TTN: variants seen among roughly 807,000 people sequenced by gnomAD.
TTN encodes connectin.
Under a neutral mutation model 3,223.0 loss-of-function variants are expected in TTN, and 1,525 were observed. The observed-to-expected ratio is 0.47, with a 90% CI of 0.45 to 0.49. TTN has a LOEUF of 0.49. TTN is among the 20% of genes least tolerant of loss of function. The probability of loss-of-function intolerance (pLI) is 0.00; values close to 1 mark genes in which losing one functional copy is unlikely to be tolerated. For synonymous variants in TTN, 14,094 were observed against 15,161.0 expected, an observed-to-expected ratio of 0.93 and a Z score of 5.17; for missense variants, 40,786 against 43,424.0, an observed-to-expected ratio of 0.94 and a Z score of 5.40.
rs767161411 is a variant in TTN at position 178,531,324 on chromosome 2, T to A, written c.105291A>T (p.Glu35097Asp). 4.3e-6 allele frequency: 7 copies of A among 1,614,044 alleles called. No individual in the cohort carries two copies. The highest frequency in any genetic ancestry group is 5.9e-6 in the Non-Finnish European group (7 of 1,179,902). ...TETRESLSSY[E>D]HSASAEMKSA... ...TTTTCATTTCTGCAGATGCAGAGTG[T>A]TCATATGAGGAGAGACTTTCCCTTG... Residue 35097 changes from glutamate to aspartate, a missense_variant, in exon 358 of 363, where the codon GAA (glutamate) becomes GAT (aspartate). Transcript: ENST00000589042.
Position 178,590,242 on chromosome 2 carries a change from G to C in TTN, c.61483C>G (p.Arg20495Gly), listed in dbSNP as rs370128504. ...VITVRVGQTI[R>G]ILARVKGRPE... ...CTGCCTTTGACTCGAGCTAGAATGC[G>C]GATAGTTTGGCCTACTCTCACGGTA... The change falls in exon 304 of 363, where the codon CGC (arginine) becomes GGC (glycine). Residue 20495 changes from arginine to glycine, a missense_variant. Coordinates refer to ENST00000589042, the MANE Select transcript of TTN (RefSeq NM_001267550.2). 8 of 1,588,712 alleles carry C rather than the reference G, an allele frequency of 5.0e-6. No homozygotes were observed. In the Admixed American group the frequency reaches 1.2e-4, roughly 24 times the overall value.
At chr2:178,793,322 A>C (rs1483287862) in intron 9 of TTN, 82 bp downstream of exon 9, 9 of 1,555,042 alleles carry the variant, frequency 5.8e-6, no homozygotes, top group Non-Finnish European at 7.0e-6. Flanking sequence ...CCCAAGGAAC[A>C]ACACTCTTCA....
chr2:178,746,575 C>A, intron 47 of TTN: 8 of 1,613,226 alleles, frequency 5.0e-6, no homozygotes, highest in Non-Finnish European at 6.8e-6. Context: ...CTCTTTCTTC[C>A]TGGGGCATTA....
chr2:178,800,250 T>C, intron 4 of TTN, 145 bp downstream of exon 4: 1 of 1,076,424 alleles, frequency 9.3e-7, no homozygotes, highest in Middle Eastern at 2.4e-4. Context: ...TCAGGGACTT[T>C]TCATGGGTGT....
rs1703203626 is a variant in TTN, at chr2:178,560,439, C to G, written c.85693G>C (p.Glu28565Gln). 1 of 1,613,572 alleles carries G rather than the reference C, an allele frequency of 6.2e-7. No homozygotes were observed. The highest frequency in any genetic ancestry group is 1.7e-4 in the Middle Eastern group (1 of 6,060). Residue 28565 changes from glutamate (E) to glutamine (Q), a missense_variant, in exon 326 of 363, where the codon GAA becomes CAA. Physicochemically the swap from Glu to Gln is conservative, Grantham distance 29. Transcript: ENST00000589042. ...CTTGACCAGCAAAGTGTCATAGATTCTTTGGTCACAGAAGTAATTTCCAAA... is the reference window on the plus strand; with the variant it reads ...CTTGACCAGCAAAGTGTCATAGATTGTTTGGTCACAGAAGTAATTTCCAAA... ...TSLEITSVTKESMTLCWSRPE... is the reference protein window; with the variant it reads ...TSLEITSVTKQSMTLCWSRPE...
intron 47 of TTN, chr2:178,746,651 C>G (rs1193244003): frequency 6.2e-7 from 1 of 1,613,354 alleles, no homozygotes; most frequent in Non-Finnish European, 8.5e-7. Context: ...GTACTCTCCC[C>G]CTTCTCCTTT....
intron 118 of TTN, 45 bp downstream of exon 118, chr2:178,693,877 T>A (rs767821363): frequency 6.4e-6 from 10 of 1,562,590 alleles, no homozygotes; most frequent in African/African-American, 1.4e-5. Flanking sequence ...AAAATCTGCC[T>A]AAAACCCTTC....
In TTN at chr2:178,739,928, C is replaced by T; in HGVS notation, c.13305G>A (p.Glu4435=). The T allele has an allele frequency of 1.9e-6, 3 of 1,613,774 alleles. No homozygotes were observed. The highest frequency in any genetic ancestry group is 1.1e-5 in the South Asian group (1 of 91,082). The change falls in exon 48 of 363, where the codon GAG becomes GAA. Residue 4435 remains glutamate (E), a synonymous_variant. Coordinates refer to ENST00000589042, the MANE Select transcript of TTN (RefSeq NM_001267550.2). ...GGTACATGCACATGATGTGTCTGGGCTCTTGGGTGATGTTTACAGCCTCGA... is the reference window on the plus strand; with the variant it reads ...GGTACATGCACATGATGTGTCTGGGTTCTTGGGTGATGTTTACAGCCTCGA... The part of the protein sequence containing the change: ...VEVEAVNITQ[E]PRHIMCMYLV...
rs61216469 is a variant in TTN, at chr2:178,637,146, GATATATATATATATAT to G, written c.40927+207_40927+222del. 0.081 allele frequency among the ~76,000 whole-genome samples: 4,000 copies of G among 49,246 alleles called. 263 individuals carry two copies. Among genetic ancestry groups the G allele is most frequent in the East Asian group, 0.31 (467 of 1,506 alleles). The allele number at this position is 49,246 out of a possible 152,430, so 32.3% of individuals were successfully genotyped here. On this transcript the variant is annotated intron_variant, in intron 224 of 362. Coordinates refer to ENST00000589042, the MANE Select transcript of TTN (RefSeq NM_001267550.2). ...GATTCACTATGCTAAAATATAGTTGGATATATATATATATATATATATATATATATATATATATATA... is the reference window on the plus strand; with the variant it reads ...GATTCACTATGCTAAAATATAGTTGGATATATATATATATATATATATATA...
chr2:178,559,666 C>T lies in TTN; in HGVS notation c.86466G>A (p.Lys28822=), dbSNP rs1702877521. The T allele has an allele frequency of 6.2e-7, 1 of 1,612,472 alleles. No individual in the cohort carries two copies. The part of the protein sequence containing the change: ...IENANRNDSG[K]YTLTIQNVLS... ...AAACATTCTGAATTGTTAATGTGTA[C>T]TTTCCAGAGTCATTTCTGTTGGCAT... is the stretch of plus-strand genomic sequence containing the variant. Residue 28822 remains lysine (K), a synonymous_variant, in exon 326 of 363, where the codon AAG becomes AAA. Transcript: ENST00000589042.
chr2:178,560,552 C>G lies in TTN; in HGVS notation c.85580G>C (p.Gly28527Ala). 1 of 1,613,276 alleles carries G rather than the reference C, an allele frequency of 6.2e-7. No individual in the cohort carries two copies. Among genetic ancestry groups the G allele is most frequent in the Non-Finnish European group, 8.5e-7 (1 of 1,179,684 alleles). The change falls in exon 326 of 363, where the codon GGT (glycine) becomes GCT (alanine). Residue 28527 changes from glycine (G) to alanine (A), a missense_variant. Gly to Ala is a moderately conservative substitution (Grantham distance 60). Coordinates refer to ENST00000589042, the MANE Select transcript of TTN (RefSeq NM_001267550.2). ...CTCACCAACACCATATTTATTAACA[C>G]CAGTTACTCTAAATATATATTCATT... ...KGNEYIFRVTGVNKYGVGEPL... is the reference protein window; with the variant it reads ...KGNEYIFRVTAVNKYGVGEPL...
rs774014126 is a variant in TTN at position 178,634,609 on chromosome 2, C to T, written c.42172G>A (p.Val14058Met). The T allele has an allele frequency of 6.2e-7, 1 of 1,613,188 alleles. No homozygotes were observed. Among genetic ancestry groups the T allele is most frequent in the Non-Finnish European group, 8.5e-7 (1 of 1,179,482 alleles). Residue 14058 changes from valine to methionine, a missense_variant, in exon 230 of 363, where the codon GTG becomes ATG. Coordinates refer to ENST00000589042, the MANE Select transcript of TTN (RefSeq NM_001267550.2). This position sits in a 1 kb window ranked among gnomAD's most constrained non-coding sequence, Gnocchi z 4.6. ...TVKEIELDFA[V>M]PLKDVTVPER... ...GGAACAGTGACATCCTTCAGGGGCA[C>T]AGCAAAGTCAAGTTCGATTTCTGAA...
rs769020530 is a variant in TTN, at chr2:178,553,916, A to G, written c.89195T>C (p.Ile29732Thr). The G allele has an allele frequency of 1.3e-6, 2 of 1,591,504 alleles. No individual in the cohort carries two copies. The highest frequency in any genetic ancestry group is 2.2e-5 in the East Asian group (1 of 44,688). ...PSEFYKAADP[I>T]DPPGPPAKIR... Reference sequence around the variant, plus strand: ...ATGCTGCAGGTATGAGCACTTACCAATAGGATCAGCAGCTTTGTAGAATTC... The same window carrying G: ...ATGCTGCAGGTATGAGCACTTACCAGTAGGATCAGCAGCTTTGTAGAATTC... Residue 29732 changes from isoleucine (I) to threonine (T), a missense_variant and splice_region_variant, in exon 333 of 363, where the codon ATT (isoleucine) becomes ACT (threonine). Physicochemically the swap from Ile to Thr is moderately conservative, Grantham distance 89 (BLOSUM62 -1). Transcript: ENST00000589042.
At chr2:178,744,742 A>C (rs919265019) in intron 47 of TTN, 4 of 984,764 alleles carry the variant, frequency 4.1e-6, no homozygotes, top group Non-Finnish European at 4.8e-6. Flanking sequence ...TAAAATCTAT[A>C]TGTAAACACA....
rs370099448 is a variant in TTN, at chr2:178,719,183, T to C, written c.24207A>G (p.Ser8069=). Residue 8069 remains serine, a synonymous_variant, in exon 83 of 363, where the codon TCA becomes TCG. Coordinates refer to ENST00000589042, the MANE Select transcript of TTN (RefSeq NM_001267550.2). ...AANVAGSDEC[S]AVLTVQEPPS... ...ACTGACCTTGCACAGTCAGGACTGC[T>C]GAGCACTCATCGGAACCAGCTACAT... 3 of 1,613,410 alleles carry C rather than the reference T, an allele frequency of 1.9e-6. No individual in the cohort carries two copies. Among genetic ancestry groups the C allele is most frequent in the African/African-American group, 2.7e-5 (2 of 74,908 alleles).
rs2060362542 is a variant in TTN at position 178,635,794 on chromosome 2, A to G, written c.41609-79T>C. The G allele has an allele frequency of 2.5e-5, 38 of 1,526,134 alleles. No homozygotes were observed. The South Asian group carries it at 4.5e-4, about 18-fold the overall frequency. The allele number at this position is 1,526,134 out of a possible 1,614,324, so 94.5% of individuals were successfully genotyped here. On this transcript the variant is annotated intron_variant, in intron 226 of 362. Transcript: ENST00000589042. ...ATAGCTTCCTTAGTAAATTTCAGGA[A>G]TAGGAAAAATTTCACAATACTGGGC... is the stretch of plus-strand genomic sequence containing the variant.
intron 47 of TTN, chr2:178,750,943 T>G: frequency 1.9e-6 from 3 of 1,613,066 alleles, no homozygotes; most frequent in Non-Finnish European, 2.5e-6. Context: ...AATGGTCTTT[T>G]GGTAGACTTT....
At chr2:178,711,686 T>TA (rs2076676355) in intron 96 of TTN, among the ~76,000 whole-genome samples, 1 of 152,164 alleles carries the variant, frequency 6.6e-6, no homozygotes, top group South Asian at 2.1e-4. Context: ...GGGTGGAATT[T>TA]AAAAATATAT....
Position 178,689,530 on chromosome 2 carries a change from A to T in TTN, c.31912T>A (p.Ser10638Thr), listed in dbSNP as rs751657683. 8 of 1,610,126 alleles carry T rather than the reference A, an allele frequency of 5.0e-6. No individual in the cohort carries two copies. The highest frequency in any genetic ancestry group is 6.8e-6 in the Non-Finnish European group (8 of 1,177,760). ...GATTAAGTACCTGCTGGTGGTGGAG[A>T]TTCCTCTCTTTGAGTTACAATGGTT... ...KITIVTQREE[S>T]PPPAVPEIPK... The change falls in exon 123 of 363, where the codon TCT becomes ACT. Residue 10638 changes from serine (S) to threonine (T), a missense_variant. Coordinates refer to ENST00000589042, the MANE Select transcript of TTN (RefSeq NM_001267550.2).
Sources: gnomAD v4.1 joint callset for allele counts (sites outside exome capture counted in the v4.1 genomes callset) on GRCh38, gnomAD v4.1.1 for gene constraint, Gnocchi (gnomAD v3.1) non-coding constraint, MANE v1.5 for transcripts, NCBI Gene and HGNC (gene_info 2026-07-23, HGNC 2026-07-21) for gene names.